Variants in FRAS1 observed in about 807,000 individuals in gnomAD.
FRAS1 encodes the protein Fraser extracellular matrix complex subunit 1.
In FRAS1, 290 loss-of-function variants were observed where a neutral mutation model predicts 435.2. That is an observed-to-expected ratio of 0.67 (90% CI 0.61 to 0.73). The LOEUF (loss-of-function observed/expected upper bound fraction) is 0.73. Among genes scored for constraint, FRAS1 ranks in the 30% least tolerant of loss-of-function variants. The pLI is 0.00. For missense variants in FRAS1, 4,860 were observed against 5,001.5 expected, an observed-to-expected ratio of 0.97 and a Z score of 0.85; for synonymous variants, 1,800 against 1,851.0, an observed-to-expected ratio of 0.97 and a Z score of 0.71.
chr4:78,429,244 G>A lies in FRAS1; in HGVS notation c.4843+18G>A. 6.3e-7 allele frequency: 1 copy of A among 1,598,660 alleles called. No homozygotes were observed. The highest frequency in any genetic ancestry group is 8.5e-7 in the Non-Finnish European group (1 of 1,171,788). On this transcript the variant is annotated intron_variant, in intron 36 of 73. Transcript: ENST00000512123. ...TTCTGTAGGTAAGAACTGGGAGCCTGATAGAAACATGGCTTTGGAAATGGG... is the reference window on the plus strand; with the variant it reads ...TTCTGTAGGTAAGAACTGGGAGCCTAATAGAAACATGGCTTTGGAAATGGG...
chr4:78,413,466 T>C (rs545209178), intron 32 of FRAS1, among the ~76,000 whole-genome samples: 1 of 152,270 alleles, frequency 6.6e-6, no homozygotes, highest in South Asian at 2.1e-4. Context: ...TATTCCATCT[T>C]CTAGAAGCCC....
At chr4:78,264,693 A>G (rs903884450) in intron 6 of FRAS1, among the ~76,000 whole-genome samples, 1 of 152,196 alleles carries the variant, frequency 6.6e-6, no homozygotes, top group African/African-American at 2.4e-5. Flanking sequence ...TTTGTAAAGC[A>G]AGGATAAGAG....
intron 16 of FRAS1, among the ~76,000 whole-genome samples, chr4:78,317,052 A>T (rs750380630): frequency 1.6e-4 from 25 of 152,350 alleles, no homozygotes; most frequent in Non-Finnish European, 2.6e-4. Flanking sequence ...CAGTCTCCTC[A>T]TCTATAAAAT....
chr4:78,329,899 T>C (rs373335008), intron 18 of FRAS1, among the ~76,000 whole-genome samples: 41 of 152,346 alleles, frequency 2.7e-4, no homozygotes, highest in Middle Eastern at 3.4e-3. Flanking sequence ...ATTAAGTCTA[T>C]TGGGGGCTCC....
At chr4:78,196,554 A>G (rs1281719007) in intron 2 of FRAS1, among the ~76,000 whole-genome samples, 1 of 152,066 alleles carries the variant, frequency 6.6e-6, no homozygotes, top group East Asian at 1.9e-4. Flanking sequence ...CCTGTTTTTT[A>G]TTCTTCATCT....
intron 32 of FRAS1, among the ~76,000 whole-genome samples, chr4:78,413,978 C>T (rs575395366): frequency 6.6e-6 from 1 of 152,212 alleles, no homozygotes; most frequent in East Asian, 1.9e-4. Flanking sequence ...ATCATGGGTC[C>T]ACATTTTAGT....
chr4:78,499,788 G>A lies in FRAS1; in HGVS notation c.9183G>A (p.Ala3061=), dbSNP rs139589570. Residue 3061 remains alanine (A), a synonymous_variant, in exon 61 of 74, where the codon GCG becomes GCA. Transcript: ENST00000512123. ...VREPAGPDAI[A]ILNIKVIRRG... ...AACCCGCAGGCCCAGATGCCATTGC[G>A]ATTCTGAACATCAAGGTGATCCGCA... The A allele has an allele frequency of 8.0e-4, 1,284 of 1,613,918 alleles. 11 individuals are homozygous for A. In the African/African-American group the frequency reaches 0.015, roughly 18 times the overall value.
intron 35 of FRAS1, among the ~76,000 whole-genome samples, chr4:78,424,762 C>G (rs1313947583): frequency 1.3e-5 from 2 of 151,010 alleles, no homozygotes; most frequent in Non-Finnish European, 2.9e-5. Flanking sequence ...GACAACAATG[C>G]AAGACCTTGT....
At chr4:78,274,331 C>T (rs551854985) in intron 9 of FRAS1, among the ~76,000 whole-genome samples, 3 of 152,204 alleles carry the variant, frequency 2.0e-5, no homozygotes, top group South Asian at 4.2e-4. Context: ...CTGCTGTGAT[C>T]TTAGTTATTT....
intron 2 of FRAS1, among the ~76,000 whole-genome samples, chr4:78,196,166 C>G (rs909498213): frequency 3.3e-5 from 5 of 152,008 alleles, no homozygotes; most frequent in African/African-American, 1.2e-4. Flanking sequence ...CGCCACCACA[C>G]CCGGCTAATT....
rs375417798 is a variant in FRAS1 at position 78,413,025 on chromosome 4, G to A, written c.4365G>A (p.Ala1455=). The change falls in exon 32 of 74, where the codon GCG becomes GCA. Residue 1455 remains alanine (A), a synonymous_variant. Transcript: ENST00000512123. ...TRLESHMFNI[A]ILPQTPEAPK... ...TGGAGAGCCACATGTTCAACATCGC[G>A]ATCTTACCACAGACACCTGAAGCAC... The A allele has an allele frequency of 1.1e-5, 18 of 1,610,514 alleles. No individual in the cohort carries two copies. The East Asian group carries it at 2.5e-4, about 22-fold the overall frequency.
At chr4:78,178,773 G>A (rs1721883042) in intron 2 of FRAS1, among the ~76,000 whole-genome samples, 1 of 152,174 alleles carries the variant, frequency 6.6e-6, no homozygotes, top group African/African-American at 2.4e-5. Flanking sequence ...ATTTCCAAAT[G>A]AGGGCACATT....
chr4:78,387,417 G>C lies in FRAS1; in HGVS notation c.3691G>C (p.Gly1231Arg). 1.9e-6 allele frequency: 3 copies of C among 1,613,318 alleles called. No homozygotes were observed. Among genetic ancestry groups the C allele is most frequent in the Non-Finnish European group, 2.5e-6 (3 of 1,179,604 alleles). Reference sequence around the variant, plus strand: ...AAATGAAGTTCTCCACATTAGCAGAGGAGAGAGGGCAACCATCACCACCCA... The same window carrying C: ...AAATGAAGTTCTCCACATTAGCAGACGAGAGAGGGCAACCATCACCACCCA... ...LRNEVLHISR[G>R]ERATITTQML... Residue 1231 changes from glycine (G) to arginine (R), a missense_variant, in exon 29 of 74, where the codon GGA (glycine) becomes CGA (arginine). By Grantham distance (125) the Gly-to-Arg change is moderately radical. Transcript: ENST00000512123.
chr4:78,294,955 G>A (rs6822437), intron 14 of FRAS1, among the ~76,000 whole-genome samples: 4,825 of 152,128 alleles, frequency 0.032, 260 homozygotes, highest in African/African-American at 0.11. Flanking sequence ...GTATTTTGGT[G>A]TATGTCTTCC....
chr4:78,091,834 T>C (rs1463517057), intron 2 of FRAS1, among the ~76,000 whole-genome samples: 1 of 151,752 alleles, frequency 6.6e-6, no homozygotes, highest in Non-Finnish European at 1.5e-5. Context: ...AATGAATATA[T>C]TTTTAAAAAT....
intron 2 of FRAS1, among the ~76,000 whole-genome samples, chr4:78,217,101 G>C (rs559993441): frequency 7.1e-6 from 1 of 141,338 alleles, no homozygotes; most frequent in East Asian, 2.1e-4. Flanking sequence ...AGATAGATAG[G>C]AGATTTATTA....
chr4:78,100,959 T>G (rs1212627580), intron 2 of FRAS1, among the ~76,000 whole-genome samples: 2 of 152,110 alleles, frequency 1.3e-5, no homozygotes, highest in Non-Finnish European at 2.9e-5. Flanking sequence ...AAGTCTAAAG[T>G]AAAAGTGTAC....
At chr4:78,534,125 C>A (rs1013956028) in intron 70 of FRAS1, among the ~76,000 whole-genome samples, 3 of 152,154 alleles carry the variant, frequency 2.0e-5, no homozygotes, top group Non-Finnish European at 4.4e-5. Context: ...AGAAATCTAG[C>A]TGGACTCCAA....
intron 20 of FRAS1, among the ~76,000 whole-genome samples, chr4:78,359,508 T>A (rs904051675): frequency 1.3e-5 from 2 of 152,158 alleles, no homozygotes; most frequent in African/African-American, 4.8e-5. Context: ...TCAACCAACC[T>A]TGAGAGCCTA....
Sources: allele counts gnomAD v4.1 joint callset (sites outside exome capture counted in the v4.1 genomes callset), GRCh38; gene constraint gnomAD v4.1.1; transcripts MANE v1.5; gene names NCBI Gene and HGNC (gene_info 2026-07-23, HGNC 2026-07-21).